MARCHF6: variants seen among roughly 807,000 people sequenced by gnomAD.
The protein encoded by MARCHF6 is membrane associated ring-CH-type finger 6, also known as E3 ubiquitin-protein ligase MARCHF6.
A neutral mutation model predicts 133.7 loss-of-function variants in MARCHF6; 31 were observed. That is an observed-to-expected ratio of 0.23 (90% CI 0.17 to 0.31). The LOEUF is 0.31. MARCHF6 is among the 10% of genes least tolerant of loss of function. The pLI is 1.00. For missense variants in MARCHF6, 723 were observed against 1,121.6 expected (o/e 0.64, Z 5.08); for synonymous variants, 395 against 402.5 (o/e 0.98, Z 0.22).
intron 1 of MARCHF6, among the ~76,000 whole-genome samples, chr5:10,375,583 C>G (rs989681176): frequency 2.0e-5 from 3 of 152,258 alleles, no homozygotes; most frequent in African/African-American, 7.2e-5. Flanking sequence ...ACCTGCAGCC[C>G]GGGTGCGGGA....
Position 10,410,105 on chromosome 5 carries a change from A to G in MARCHF6, c.1554-34A>G, listed in dbSNP as rs1739131400. The G allele has an allele frequency of 3.1e-6, 5 of 1,609,726 alleles. No individual in the cohort carries two copies. In the South Asian group the frequency reaches 4.4e-5, roughly 14 times the overall value. The stretch of plus-strand genomic sequence containing the variant: ...CCATTAAATAGTAGTCATATGCAAA[A>G]TACAATTCACATTATAAATCCTGCC... On this transcript the variant is annotated intron_variant, in intron 17 of 25. Transcript: ENST00000274140.
chr5:10,364,300 T>G (rs182825795), intron 1 of MARCHF6, among the ~76,000 whole-genome samples: 114 of 152,208 alleles, frequency 7.5e-4, no homozygotes, highest in South Asian at 5.6e-3. Flanking sequence ...CGGGTACAGG[T>G]GAGCCAAGGT....
intron 23 of MARCHF6, 105 bp downstream of exon 23, chr5:10,423,929 A>G (rs927903895): frequency 5.3e-6 from 4 of 749,784 alleles, no homozygotes; most frequent in Non-Finnish European, 8.0e-6. Context: ...TGAGTTTTCT[A>G]CATTTTTTTT....
At position 10,435,892 on chromosome 5, in the gene MARCHF6, A is replaced by G. The variant is rs889519027; in HGVS notation, c.*2208A>G. ...CCACCACACCTGGCTTATTTTAGTT[A>G]TTTTAGTAGAGATAGGGTTTCACCA... On this transcript the variant is annotated 3_prime_UTR_variant, in exon 26 of 26. Transcript: ENST00000274140. 6.8e-6 allele frequency: 1 copy of G among 147,758 alleles called. No homozygotes were observed. Among genetic ancestry groups the G allele is most frequent in the Non-Finnish European group, 1.5e-5 (1 of 66,858 alleles). 9.2% of individuals were successfully genotyped at this position (147,758 alleles called of 1,614,324 possible).
chr5:10,426,615 A>C (rs1294436373), intron 24 of MARCHF6, 93 bp downstream of exon 24: 1 of 1,317,686 alleles, frequency 7.6e-7, no homozygotes, highest in East Asian at 2.4e-5. Context: ...CTCACTCCAT[A>C]TGCTTTATTT....
chr5:10,425,961 C>T (rs1740062498), intron 23 of MARCHF6, among the ~76,000 whole-genome samples: 1 of 152,136 alleles, frequency 6.6e-6, no homozygotes, highest in Non-Finnish European at 1.5e-5. Context: ...AGAAACGCTT[C>T]CTGCTTCAGT....
intron 1 of MARCHF6, among the ~76,000 whole-genome samples, chr5:10,356,861 T>G (rs1030358881): frequency 6.6e-6 from 1 of 152,208 alleles, no homozygotes; most frequent in African/African-American, 2.4e-5. Flanking sequence ...CAGAATGTTA[T>G]GCATTTGTAG....
intron 1 of MARCHF6, among the ~76,000 whole-genome samples, chr5:10,365,579 A>G (rs1295216354): frequency 1.3e-5 from 2 of 152,306 alleles, no homozygotes; most frequent in Middle Eastern, 6.8e-3. Context: ...GGCGTGAGCC[A>G]CTGCACCTGG....
intron 4 of MARCHF6, among the ~76,000 whole-genome samples, chr5:10,383,715 G>A (rs1269055702): frequency 6.6e-6 from 1 of 152,124 alleles, no homozygotes. Flanking sequence ...AAATGAGCAA[G>A]GAATCAGAGA....
At chr5:10,383,856 C>T (rs16884614) in intron 4 of MARCHF6, among the ~76,000 whole-genome samples, 7,828 of 152,072 alleles carry the variant, frequency 0.051, 687 homozygotes, top group African/African-American at 0.18. Flanking sequence ...GAAATTGTGA[C>T]GGGAAGATAG....
chr5:10,355,163 C>T (rs546530151), intron 1 of MARCHF6, among the ~76,000 whole-genome samples: 2 of 152,186 alleles, frequency 1.3e-5, no homozygotes, highest in Non-Finnish European at 2.9e-5. Context: ...CAAGTAATTT[C>T]CCTTTCATTA....
intron 1 of MARCHF6, among the ~76,000 whole-genome samples, chr5:10,373,922 G>A (rs116303352): frequency 0.014 from 2,165 of 152,112 alleles, 52 homozygotes; most frequent in African/African-American, 0.046. Context: ...GGACTGATCC[G>A]CACCTGTGGC....
chr5:10,427,733 T>C (rs1158072968), intron 24 of MARCHF6, among the ~76,000 whole-genome samples: 1 of 152,172 alleles, frequency 6.6e-6, no homozygotes, highest in Non-Finnish European at 1.5e-5. Flanking sequence ...CCTTTGTGTG[T>C]GTGCCCTTCT....
intron 25 of MARCHF6, among the ~76,000 whole-genome samples, chr5:10,433,358 A>T (rs1042358357): frequency 6.6e-6 from 1 of 152,202 alleles, no homozygotes; most frequent in African/African-American, 2.4e-5. Flanking sequence ...CCACTGACTG[A>T]AGCATGTCCT....
intron 3 of MARCHF6, among the ~76,000 whole-genome samples, chr5:10,379,063 G>T (rs1244960063): frequency 8.8e-6 from 1 of 114,054 alleles, no homozygotes; most frequent in East Asian, 2.0e-4. Context: ...GATTTGTGGG[G>T]TGTTTTTTTT....
chr5:10,419,593 A>G (rs1739721342), intron 22 of MARCHF6, among the ~76,000 whole-genome samples: 2 of 151,000 alleles, frequency 1.3e-5, no homozygotes, highest in Non-Finnish European at 2.9e-5. Context: ...TAGTATCTGT[A>G]ATTGAAGGAA....
intron 25 of MARCHF6, among the ~76,000 whole-genome samples, chr5:10,433,371 A>G (rs1317160770): frequency 6.6e-6 from 1 of 152,206 alleles, no homozygotes; most frequent in Non-Finnish European, 1.5e-5. Flanking sequence ...CATGTCCTCC[A>G]TTGCACAGCA....
At chr5:10,375,153 G>A (rs1332146515) in intron 1 of MARCHF6, among the ~76,000 whole-genome samples, 1 of 152,246 alleles carries the variant, frequency 6.6e-6, no homozygotes, top group Non-Finnish European at 1.5e-5. Context: ...GCAGGGAGGT[G>A]TGGAGGGAGA....
intron 25 of MARCHF6, among the ~76,000 whole-genome samples, chr5:10,431,102 A>G (rs1378446924): frequency 2.0e-5 from 3 of 152,108 alleles, no homozygotes; most frequent in Admixed American, 2.0e-4. Flanking sequence ...GAGTTACCTT[A>G]TTTATTCTGA....
Sources: allele counts gnomAD v4.1 joint callset (sites outside exome capture counted in the v4.1 genomes callset), GRCh38; gene constraint gnomAD v4.1.1; transcripts MANE v1.5; gene names NCBI Gene and HGNC (gene_info 2026-07-23, HGNC 2026-07-21).